The following CADM2 variants were observed in gnomAD, a reference collection of about 807,000 sequenced individuals.
CADM2 encodes the protein cell adhesion molecule 2, also known as immunoglobulin superfamily member 4D.
A neutral mutation model predicts 49.8 loss-of-function variants in CADM2; 12 were observed. The ratio of observed to expected loss-of-function variants is 0.24; its 90% confidence interval spans 0.15 to 0.39. The LOEUF is 0.39. Among genes scored for constraint, CADM2 ranks in the 10% least tolerant of loss-of-function variants. The pLI is 1.00. For synonymous variants in CADM2, 214 were observed against 175.4 expected, an observed-to-expected ratio of 1.22 and a Z score of -1.74; for missense variants, 378 against 492.3, an observed-to-expected ratio of 0.77 and a Z score of 2.20.
intron 1 of CADM2, among the ~76,000 whole-genome samples, chr3:85,608,675 A>G (rs1048132720): frequency 2.6e-5 from 4 of 152,158 alleles, no homozygotes; most frequent in Non-Finnish European, 5.9e-5. Flanking sequence ...GGCTTATTTT[A>G]TGCTGATCAA....
At chr3:85,289,202 T>G (rs1439979493) in intron 1 of CADM2, among the ~76,000 whole-genome samples, 2 of 152,178 alleles carry the variant, frequency 1.3e-5, no homozygotes, top group African/African-American at 4.8e-5. Context: ...AAGACATCAA[T>G]TATATCCTGA....
intron 1 of CADM2, among the ~76,000 whole-genome samples, chr3:85,414,537 A>C (rs1287207857): frequency 6.6e-6 from 1 of 152,090 alleles, no homozygotes; most frequent in African/African-American, 2.4e-5. Flanking sequence ...TTCAACCAAT[A>C]CAAGTTGATT....
chr3:86,048,408 G>T (rs1054642927), intron 8 of CADM2, among the ~76,000 whole-genome samples: 3 of 151,836 alleles, frequency 2.0e-5, no homozygotes, highest in Admixed American at 6.6e-5. Context: ...TAACTAATGA[G>T]AAATATTCAG....
At chr3:84,995,932 T>C (rs989178053) in intron 1 of CADM2, among the ~76,000 whole-genome samples, 1 of 152,278 alleles carries the variant, frequency 6.6e-6, no homozygotes, top group Non-Finnish European at 1.5e-5. Context: ...GAGTTTTCCA[T>C]GCCTATTGGT....
chr3:85,173,300 C>T (rs1207245594), intron 1 of CADM2, among the ~76,000 whole-genome samples: 1 of 152,088 alleles, frequency 6.6e-6, no homozygotes, highest in Non-Finnish European at 1.5e-5. Flanking sequence ...CTTTCTAAGA[C>T]TTCTATAAAT....
chr3:85,072,281 A>G (rs2036778512), intron 1 of CADM2, among the ~76,000 whole-genome samples: 2 of 152,006 alleles, frequency 1.3e-5, no homozygotes, highest in South Asian at 4.1e-4. Context: ...TAAAAGATTA[A>G]TCTGTTTTGT....
Position 85,598,282 on chromosome 3 carries a change from A to C in CADM2, c.62-128240A>C, listed in dbSNP as rs193259295. Among the ~76,000 whole-genome samples, 1,145 of 152,066 alleles carry C rather than the reference A, an allele frequency of 7.5e-3. 20 individuals carry two copies. The highest frequency in any genetic ancestry group is 0.027 in the African/African-American group (1,105 of 41,542). ...TAATCTTGCTTAGAAACTCTCATAC[A>C]CCTTCCCATCAAGCCAAACACTGGA... On this transcript the variant is annotated intron_variant, in intron 1 of 9. Transcript: ENST00000383699.
intron 3 of CADM2, among the ~76,000 whole-genome samples, chr3:85,858,708 T>C (rs1289945018): frequency 6.6e-6 from 1 of 152,194 alleles, no homozygotes; most frequent in African/African-American, 2.4e-5. Flanking sequence ...CACTGGCAGG[T>C]CAACAGTTTA....
intron 8 of CADM2, among the ~76,000 whole-genome samples, chr3:85,967,859 C>A (rs1039435824): frequency 2.0e-5 from 3 of 151,310 alleles, no homozygotes; most frequent in African/African-American, 7.3e-5. Context: ...AAAAAAGAAG[C>A]CTGGATTATG....
intron 3 of CADM2, among the ~76,000 whole-genome samples, chr3:85,828,239 T>C (rs2074015659): frequency 6.6e-6 from 1 of 152,026 alleles, no homozygotes; most frequent in Non-Finnish European, 1.5e-5. Flanking sequence ...ATATTTGCCA[T>C]AATCCCAAAC....
intron 1 of CADM2, among the ~76,000 whole-genome samples, chr3:84,978,244 C>CTG (rs2107123954): frequency 6.6e-6 from 1 of 152,216 alleles, no homozygotes; most frequent in South Asian, 2.1e-4. Flanking sequence ...TTGATAAGCT[C>CTG]TGTGAATGCA....
intron 1 of CADM2, among the ~76,000 whole-genome samples, chr3:85,146,529 A>G (rs1280370261): frequency 6.6e-6 from 1 of 152,214 alleles, no homozygotes; most frequent in East Asian, 1.9e-4. Context: ...AGTTATTTCA[A>G]GAATAACTAA....
intron 8 of CADM2, among the ~76,000 whole-genome samples, chr3:85,990,013 C>CAAAAAAAAAAAAAAAAAAAAAAA (rs58178176): frequency 5.2e-4 from 5 of 9,638 alleles, no homozygotes; most frequent in African/African-American, 7.9e-4. Flanking sequence ...ACTCCATGTC[C>CAAAAAAAAAAAAAAAAAAAAAAA]AAAAAAAAAA....
chr3:85,202,078 GAAA>G (rs57243426), intron 1 of CADM2, among the ~76,000 whole-genome samples: 238 of 79,548 alleles, frequency 3.0e-3, no homozygotes, highest in African/African-American at 0.01. Context: ...GACTCTGTCT[GAAA>G]AAAAAAAAAA....
At chr3:85,455,273 A>C (rs1450842161) in intron 1 of CADM2, among the ~76,000 whole-genome samples, 1 of 152,254 alleles carries the variant, frequency 6.6e-6, no homozygotes, top group Non-Finnish European at 1.5e-5. Context: ...ATATTTAAGG[A>C]AACATTGCTA....
intron 1 of CADM2, among the ~76,000 whole-genome samples, chr3:85,263,093 A>G (rs1396391843): frequency 6.6e-6 from 1 of 152,074 alleles, no homozygotes; most frequent in East Asian, 1.9e-4. Context: ...CCTGGGTTCA[A>G]GTAATTCTAC....
At chr3:86,013,182 A>T in intron 8 of CADM2, 1 of 1,359,302 alleles carries the variant, frequency 7.4e-7, no homozygotes, top group Non-Finnish European at 1.0e-6. Context: ...CGAAATCAGG[A>T]CTGAAACAGA....
At chr3:85,785,712 G>A (rs1216691204) in intron 2 of CADM2, among the ~76,000 whole-genome samples, 1 of 152,060 alleles carries the variant, frequency 6.6e-6, no homozygotes, top group Admixed American at 6.6e-5. Flanking sequence ...GTTAGCATGA[G>A]CAACCTCAGC....
chr3:85,735,110 A>G (rs1293455715), intron 2 of CADM2, among the ~76,000 whole-genome samples: 2 of 152,066 alleles, frequency 1.3e-5, no homozygotes, highest in African/African-American at 4.8e-5. Flanking sequence ...CTGGAAATAC[A>G]TCAGTTTAAG....
Sources: gnomAD v4.1 joint callset for allele counts (sites outside exome capture counted in the v4.1 genomes callset) on GRCh38, gnomAD v4.1.1 for gene constraint, MANE v1.5 for transcripts, NCBI Gene and HGNC (gene_info 2026-07-23, HGNC 2026-07-21) for gene names.